Variants in TMEM232 observed in about 807,000 individuals in gnomAD.
TMEM232 encodes transmembrane protein 232.
Under a neutral mutation model 78.8 loss-of-function variants are expected in TMEM232, and 80 were observed. That is an observed-to-expected ratio of 1.01 (90% CI 0.85 to 1.22). TMEM232 has a LOEUF of 1.22. TMEM232 is among the 50% of genes most tolerant of loss of function. TMEM232 has a pLI of 0.00. For missense variants in TMEM232, 881 were observed against 742.2 expected (o/e 1.19, Z -2.17); for synonymous variants, 297 against 254.3 (o/e 1.17, Z -1.60).
At chr5:110,613,127 T>G (rs1782518293) in intron 8 of TMEM232, among the ~76,000 whole-genome samples, 1 of 152,102 alleles carries the variant, frequency 6.6e-6, no homozygotes, top group African/African-American at 2.4e-5. Flanking sequence ...CTTTCCCCAG[T>G]TTTTCCCTGT....
At position 110,405,728 on chromosome 5, in the gene TMEM232, G is replaced by GT. The variant is rs1580564669; in HGVS notation, n.309-7875dup. Among the ~76,000 whole-genome samples the GT allele has an allele frequency of 2.9e-5, 4 of 138,080 alleles. No homozygotes were observed. In the East Asian group the frequency reaches 8.3e-4, roughly 29 times the overall value. The allele number at this position is 138,080 out of a possible 152,430, so 90.6% of individuals were successfully genotyped here. ...ATAAAACATCAAACTGAAGGACACAGTTTAAAAAAAAAAAAAAGGAAAAAG... is the reference window on the plus strand; with the variant it reads ...ATAAAACATCAAACTGAAGGACACAGTTTTAAAAAAAAAAAAAAGGAAAAAG... On this transcript the variant is annotated intron_variant and non_coding_transcript_variant, in intron 2 of 8. Transcript: ENST00000507188.
intron 1 of TMEM232, among the ~76,000 whole-genome samples, chr5:110,699,412 T>C (rs867381089): frequency 2.0e-5 from 3 of 152,092 alleles, no homozygotes; most frequent in Non-Finnish European, 2.9e-5. Flanking sequence ...ATGCTTCTTG[T>C]AAATTTTTGA....
chr5:110,666,438 C>T (rs76476244), intron 2 of TMEM232, among the ~76,000 whole-genome samples: 3,776 of 152,140 alleles, frequency 0.025, 150 homozygotes, highest in African/African-American at 0.085. Context: ...GCAATTAAAA[C>T]TACTCTGAAC....
At chr5:110,617,222 C>T (rs991889767) in intron 8 of TMEM232, among the ~76,000 whole-genome samples, 7 of 152,024 alleles carry the variant, frequency 4.6e-5, no homozygotes, top group Admixed American at 2.6e-4. Context: ...CTATAAAAGC[C>T]GAACTTGCAG....
chr5:110,712,503 C>T (rs1258042793), intron 1 of TMEM232, among the ~76,000 whole-genome samples: 2 of 152,088 alleles, frequency 1.3e-5, no homozygotes, highest in Non-Finnish European at 2.9e-5. Flanking sequence ...AGGTGTTCAA[C>T]ATCATTGATC....
chr5:110,498,543 A>G (rs1224545886), intron 12 of TMEM232, among the ~76,000 whole-genome samples: 1 of 152,196 alleles, frequency 6.6e-6, no homozygotes, highest in Non-Finnish European at 1.5e-5. Context: ...TTAACTATTT[A>G]ATGCACTGGA....
intron 11 of TMEM232, among the ~76,000 whole-genome samples, chr5:110,543,061 T>A (rs558018151): frequency 3.3e-5 from 5 of 152,174 alleles, no homozygotes; most frequent in Non-Finnish European, 7.3e-5. Flanking sequence ...ATTTCATTCC[T>A]TCCTTGTTTT....
chr5:110,712,602 C>T (rs182142148), intron 1 of TMEM232, among the ~76,000 whole-genome samples: 2 of 152,068 alleles, frequency 1.3e-5, no homozygotes, highest in African/African-American at 2.4e-5. Context: ...CCCTGACCAC[C>T]GATCAAAATG....
intron 2 of TMEM232, among the ~76,000 whole-genome samples, chr5:110,647,873 T>A (rs1787727411): frequency 6.6e-6 from 1 of 152,050 alleles, no homozygotes; most frequent in African/African-American, 2.4e-5. Context: ...CCCCACACTA[T>A]ATCTATAGTT....
chr5:110,605,491 T>C (rs1308136527), intron 9 of TMEM232, 133 bp from the exon 10 acceptor site: 2 of 1,032,652 alleles, frequency 1.9e-6, no homozygotes, highest in Admixed American at 3.5e-5. Flanking sequence ...AAAAAATGGG[T>C]TTACCATGAG....
chr5:110,422,011 A>G (rs549964840), intron 13 of TMEM232, among the ~76,000 whole-genome samples: 2 of 152,326 alleles, frequency 1.3e-5, no homozygotes, highest in Non-Finnish European at 2.9e-5. Context: ...CCTCCAGAAT[A>G]GTCAGGCACA....
At chr5:110,423,133 T>C (rs1756853390) in intron 13 of TMEM232, among the ~76,000 whole-genome samples, 1 of 152,202 alleles carries the variant, frequency 6.6e-6, no homozygotes. Context: ...TGTGTTTTTG[T>C]TATTTGTCGA....
At chr5:110,529,212 G>A (rs947981427) in intron 11 of TMEM232, among the ~76,000 whole-genome samples, 1 of 151,718 alleles carries the variant, frequency 6.6e-6, no homozygotes, top group Non-Finnish European at 1.5e-5. Flanking sequence ...TTTTTTTAAT[G>A]CACAATCTAA....
intron 12 of TMEM232, among the ~76,000 whole-genome samples, chr5:110,446,878 T>C (rs1759704613): frequency 1.3e-5 from 2 of 152,026 alleles, no homozygotes; most frequent in South Asian, 2.1e-4. Flanking sequence ...TTAAGGATCC[T>C]GAAAAAATTC....
chr5:110,558,602 A>T (rs375477412), intron 11 of TMEM232, among the ~76,000 whole-genome samples: 3 of 152,092 alleles, frequency 2.0e-5, no homozygotes, highest in African/African-American at 7.2e-5. Context: ...CTCAGATAAG[A>T]CTAGCCTCAT....
intron 12 of TMEM232, among the ~76,000 whole-genome samples, chr5:110,479,856 T>C (rs1367625737): frequency 1.3e-5 from 2 of 151,896 alleles, no homozygotes; most frequent in Non-Finnish European, 2.9e-5. Flanking sequence ...TGTAAAGAAG[T>C]CACTTAAATT....
At chr5:110,558,727 C>T (rs1561686600) in intron 11 of TMEM232, among the ~76,000 whole-genome samples, 1 of 152,186 alleles carries the variant, frequency 6.6e-6, no homozygotes, top group Non-Finnish European at 1.5e-5. Context: ...TTTTCCACTA[C>T]AGCCATTCCC....
intron 12 of TMEM232, among the ~76,000 whole-genome samples, chr5:110,513,386 T>C (rs947054474): frequency 5.3e-5 from 8 of 152,068 alleles, no homozygotes; most frequent in African/African-American, 1.4e-4. Flanking sequence ...CTGGAAACCA[T>C]ATATTCAGTA....
chr5:110,405,527 G>T (rs956736957), intron 2 of TMEM232, among the ~76,000 whole-genome samples: 5 of 151,460 alleles, frequency 3.3e-5, no homozygotes, highest in African/African-American at 4.8e-5. Context: ...GTAATTTATA[G>T]GAAAAAATGG....
Sources: gnomAD v4.1 joint callset for allele counts (sites outside exome capture counted in the v4.1 genomes callset) on GRCh38, gnomAD v4.1.1 for gene constraint, MANE v1.5 for transcripts, NCBI Gene and HGNC (gene_info 2026-07-23, HGNC 2026-07-21) for gene names.